Variants in CPEB1 observed in about 807,000 individuals in gnomAD.
CPEB1 encodes cytoplasmic polyadenylation element binding protein 1.
Under a neutral mutation model 65.8 loss-of-function variants are expected in CPEB1, and 7 were observed. The ratio of observed to expected loss-of-function variants is 0.11; its 90% confidence interval spans 0.06 to 0.20. CPEB1 has a LOEUF of 0.20. CPEB1 is among the 10% of genes least tolerant of loss of function. The pLI is 1.00. For synonymous variants in CPEB1, 262 were observed against 260.0 expected (o/e 1.01, Z -0.08); for missense variants, 551 against 712.2 (o/e 0.77, Z 2.58).
In CPEB1 at chr15:82,594,210, T is replaced by C. The variant is rs183795612; in HGVS notation, c.272-22678A>G. 4.2e-3 allele frequency among the ~76,000 whole-genome samples: 643 copies of C among 152,344 alleles called. 2 individuals are homozygous for C. The highest frequency in any genetic ancestry group is 6.4e-3 in the Non-Finnish European group (432 of 68,030). On this transcript the variant is annotated intron_variant, in intron 3 of 12. Transcript: ENST00000684509. ...CAAGAGAAGGCTGTTTTCATCTACA[T>C]TGAGAATCTGTTGTTGAGTGTAGCC...
At chr15:82,547,446 G>A (rs2150923348) in intron 10 of CPEB1, among the ~76,000 whole-genome samples, 1 of 151,664 alleles carries the variant, frequency 6.6e-6, no homozygotes, top group Middle Eastern at 3.4e-3. Flanking sequence ...ACAGGCATCT[G>A]CCACCACACC....
At chr15:82,584,765 C>A (rs373031824) in intron 3 of CPEB1, among the ~76,000 whole-genome samples, 83 of 145,718 alleles carry the variant, frequency 5.7e-4, no homozygotes, top group African/African-American at 2.1e-3. Context: ...AAAATTAACA[C>A]AAAGATAAAA....
chr15:82,631,515 A>G (rs922232828), intron 1 of CPEB1, among the ~76,000 whole-genome samples: 1 of 152,188 alleles, frequency 6.6e-6, no homozygotes, highest in African/African-American at 2.4e-5. Context: ...ACTATCTCAT[A>G]AGGCTTTTTG....
chr15:82,636,972 T>C (rs567404405), intron 1 of CPEB1, among the ~76,000 whole-genome samples: 54 of 152,320 alleles, frequency 3.5e-4, no homozygotes, highest in Admixed American at 1.2e-3. Context: ...CCACAGACCA[T>C]TCTTCATCAA....
At chr15:82,591,138 G>A (rs1216395395) in intron 3 of CPEB1, among the ~76,000 whole-genome samples, 2 of 152,084 alleles carry the variant, frequency 1.3e-5, no homozygotes, top group African/African-American at 4.8e-5. Flanking sequence ...CACCAACAGT[G>A]TGTAAGCGTT....
At chr15:82,575,494 C>T (rs2040548951) in intron 3 of CPEB1, among the ~76,000 whole-genome samples, 1 of 152,176 alleles carries the variant, frequency 6.6e-6, no homozygotes, top group Non-Finnish European at 1.5e-5. Flanking sequence ...CGAAAAACTT[C>T]TGCTCATCAA....
chr15:82,590,238 A>C (rs1052972322), intron 3 of CPEB1, among the ~76,000 whole-genome samples: 67 of 139,584 alleles, frequency 4.8e-4, no homozygotes, highest in African/African-American at 1.7e-3. Flanking sequence ...AAAAAAAAAA[A>C]AACAGTTGTT....
At position 82,628,385 on chromosome 15, in the gene CPEB1, A is replaced by G. The variant is rs1318296933; in HGVS notation, c.75T>C (p.Asp25=). The G allele has an allele frequency of 5.7e-6, 4 of 702,742 alleles. No homozygotes were observed. The highest frequency in any genetic ancestry group is 1.7e-5 in the African/African-American group (1 of 57,248). The allele number at this position is 702,742 out of a possible 1,614,324, so 43.5% of individuals were successfully genotyped here. Residue 25 remains aspartate, a synonymous_variant, in exon 2 of 13, where the codon GAT becomes GAC. Transcript: ENST00000684509. ...ATACCAGAGGAATTAGCAGAAGACA[A>G]TCTGATAGAGATGAGTGCTCCAAAC... ...GTGLEHSSLS[D]CLLLIPLEEE...
intron 1 of CPEB1, among the ~76,000 whole-genome samples, chr15:82,645,608 G>A (rs2047439797): frequency 6.6e-6 from 1 of 152,102 alleles, no homozygotes. Flanking sequence ...GGGGGCTCAC[G>A]CCTGTAATTC....
At chr15:82,629,601 A>G in intron 1 of CPEB1, 2 of 985,436 alleles carry the variant, frequency 2.0e-6, no homozygotes, top group Non-Finnish European at 2.4e-6. Flanking sequence ...TCCACAGCCA[A>G]TGCCCAACAT....
At chr15:82,593,740 T>C (rs1403054607) in intron 3 of CPEB1, among the ~76,000 whole-genome samples, 1 of 152,202 alleles carries the variant, frequency 6.6e-6, no homozygotes, top group Non-Finnish European at 1.5e-5. Flanking sequence ...ATAATAAGAC[T>C]TGAAAGTAAA....
intron 3 of CPEB1, among the ~76,000 whole-genome samples, chr15:82,596,304 A>G (rs544738647): frequency 6.7e-4 from 102 of 152,332 alleles, no homozygotes; most frequent in African/African-American, 2.4e-3. Flanking sequence ...TTGCAAATAA[A>G]CTTCTGACAT....
chr15:82,620,233 T>C (rs2045166858), intron 3 of CPEB1, among the ~76,000 whole-genome samples: 1 of 151,978 alleles, frequency 6.6e-6, no homozygotes. Flanking sequence ...ATGGTGAATA[T>C]GGCCAGTATG....
At chr15:82,590,565 G>A (rs982089645) in intron 3 of CPEB1, among the ~76,000 whole-genome samples, 4 of 152,046 alleles carry the variant, frequency 2.6e-5, no homozygotes, top group East Asian at 1.9e-4. Context: ...GAGTAAACTC[G>A]TGAATTTGTT....
At chr15:82,558,956 T>G (rs1026372140) in intron 4 of CPEB1, among the ~76,000 whole-genome samples, 3 of 150,850 alleles carry the variant, frequency 2.0e-5, no homozygotes, top group African/African-American at 7.3e-5. Flanking sequence ...ATTTGAAGTT[T>G]TTTTTTTTTT....
At chr15:82,605,896 G>T (rs565146105) in intron 3 of CPEB1, among the ~76,000 whole-genome samples, 8 of 152,008 alleles carry the variant, frequency 5.3e-5, no homozygotes, top group Non-Finnish European at 1.0e-4. Flanking sequence ...AAATTAGCCA[G>T]GTGTGATGCC....
In CPEB1 at chr15:82,628,477, T is replaced by C. The variant is rs1327672781; in HGVS notation, c.-18A>G. On this transcript the variant is annotated 5_prime_UTR_variant, in exon 2 of 13. Transcript: ENST00000684509. ...GAAAACATATTGACATTAGATGATC[T>C]GGCAAAAGGGTTCCGATTATTCAAG... The C allele has an allele frequency of 1.4e-6, 1 of 702,768 alleles. No individual in the cohort carries two copies. Among genetic ancestry groups the C allele is most frequent in the Non-Finnish European group, 2.6e-6 (1 of 384,940 alleles). The allele number at this position is 702,768 out of a possible 1,614,324, so 43.5% of individuals were successfully genotyped here.
At chr15:82,637,518 A>G (rs543543022) in intron 1 of CPEB1, among the ~76,000 whole-genome samples, 8 of 152,168 alleles carry the variant, frequency 5.3e-5, no homozygotes, top group Non-Finnish European at 1.2e-4. Flanking sequence ...TAGCATCCCC[A>G]TCAGCCCTCC....
chr15:82,641,505 T>A (rs913157478), intron 1 of CPEB1: 4 of 152,134 alleles, frequency 2.6e-5, no homozygotes, highest in Admixed American at 2.0e-4. Flanking sequence ...GTCAGGATGG[T>A]ACATAAAGCA....
Sources: gnomAD v4.1 joint callset for allele counts (sites outside exome capture counted in the v4.1 genomes callset) on GRCh38, gnomAD v4.1.1 for gene constraint, MANE v1.5 for transcripts, NCBI Gene and HGNC (gene_info 2026-07-23, HGNC 2026-07-21) for gene names.